OTUD7A: variants seen among roughly 807,000 people sequenced by gnomAD.
The protein encoded by OTUD7A is OTU deubiquitinase 7A, also known as OTU domain-containing protein 7A.
Under a neutral mutation model 65.7 loss-of-function variants are expected in OTUD7A, and 12 were observed. That is an observed-to-expected ratio of 0.18 (90% confidence interval 0.12 to 0.30). The LOEUF is 0.30. Ranked by LOEUF, OTUD7A falls within the 10% of genes least tolerant of loss-of-function variation. OTUD7A has a pLI of 1.00. For synonymous variants in OTUD7A, 641 were observed against 586.3 expected, an observed-to-expected ratio of 1.09 and a Z score of -1.35; for missense variants, 1,148 against 1,304.8, an observed-to-expected ratio of 0.88 and a Z score of 1.85.
At chr15:31,649,853 T>C (rs1400416777) in intron 3 of OTUD7A, 1 of 365,628 alleles carries the variant, frequency 2.7e-6, no homozygotes, top group Admixed American at 2.6e-5. Context: ...GAGACCACAG[T>C]TGGAAGTGCC....
At chr15:31,622,095 A>C (rs1890805584) in intron 3 of OTUD7A, among the ~76,000 whole-genome samples, 2 of 151,790 alleles carry the variant, frequency 1.3e-5, no homozygotes, top group Admixed American at 6.6e-5. Flanking sequence ...ATTGGCCCCC[A>C]CTCTCTTCTG....
intron 8 of OTUD7A, among the ~76,000 whole-genome samples, chr15:31,522,134 A>T (rs567943004): frequency 1.3e-5 from 2 of 152,270 alleles, no homozygotes; most frequent in South Asian, 4.1e-4. Flanking sequence ...TGATGGTTAG[A>T]TAGCTGGTTA....
chr15:31,719,997 T>C (rs1893690415), intron 1 of OTUD7A, among the ~76,000 whole-genome samples: 2 of 152,252 alleles, frequency 1.3e-5, no homozygotes. Context: ...GACACATATA[T>C]ACTATATTTT....
At chr15:31,832,174 C>T (rs900625033) in intron 1 of OTUD7A, among the ~76,000 whole-genome samples, 2 of 152,176 alleles carry the variant, frequency 1.3e-5, no homozygotes, top group African/African-American at 4.8e-5. Flanking sequence ...CAAGCTTGAC[C>T]CAGAGGTATC....
At chr15:31,756,557 C>T (rs1894817306) in intron 1 of OTUD7A, among the ~76,000 whole-genome samples, 1 of 151,264 alleles carries the variant, frequency 6.6e-6, no homozygotes, top group Non-Finnish European at 1.5e-5. Context: ...GTGACAGAGA[C>T]AGGGCTGCCC....
At chr15:31,642,162 C>A (rs1891536204) in intron 3 of OTUD7A, among the ~76,000 whole-genome samples, 2 of 152,164 alleles carry the variant, frequency 1.3e-5, no homozygotes, top group African/African-American at 4.8e-5. Context: ...TCTGCATTTA[C>A]TGAGATGATT....
intron 1 of OTUD7A, among the ~76,000 whole-genome samples, chr15:31,777,210 C>T (rs1392164650): frequency 6.6e-6 from 1 of 152,132 alleles, no homozygotes; most frequent in Non-Finnish European, 1.5e-5. Flanking sequence ...ACATGACAGC[C>T]TTTTGGCAAG....
intron 8 of OTUD7A, among the ~76,000 whole-genome samples, chr15:31,510,023 C>T (rs1318114713): frequency 1.4e-5 from 2 of 146,714 alleles, no homozygotes; most frequent in South Asian, 2.1e-4. Context: ...GGTCTTGCGG[C>T]GCAGGCTGGG....
In OTUD7A at chr15:31,731,725, TA is replaced by T. The variant is rs1453299291; in HGVS notation, c.-99-74649del. On this transcript the variant is annotated intron_variant, in intron 1 of 12. Transcript: ENST00000307050. Reference sequence around the variant, plus strand: ...TCTGGGCAATAATGATGTCTCAATGTAGGTTCATCAGTTGTAACAACTGGAC... The same window carrying T: ...TCTGGGCAATAATGATGTCTCAATGTGGTTCATCAGTTGTAACAACTGGAC... Among the ~76,000 whole-genome samples the T allele has an allele frequency of 2.0e-5, 3 of 152,164 alleles. No individual in the cohort carries two copies. The East Asian group carries it at 5.8e-4, about 29-fold the overall frequency.
intron 1 of OTUD7A, among the ~76,000 whole-genome samples, chr15:31,663,887 T>G (rs1475924614): frequency 2.0e-5 from 3 of 152,088 alleles, no homozygotes; most frequent in African/African-American, 7.2e-5. Flanking sequence ...TGCGTCCTCA[T>G]AGCTTAGCTC....
At chr15:31,796,142 C>CGTGTGTGCGTGTGT (rs1555418460) in intron 1 of OTUD7A, among the ~76,000 whole-genome samples, 1 of 148,020 alleles carries the variant, frequency 6.8e-6, no homozygotes, top group African/African-American at 2.5e-5. Context: ...GTAAGGGGTG[C>CGTGTGTGCGTGTGT]GTGTGTGTGT....
At chr15:31,725,812 T>A (rs1403102709) in intron 1 of OTUD7A, among the ~76,000 whole-genome samples, 1 of 152,192 alleles carries the variant, frequency 6.6e-6, no homozygotes, top group Admixed American at 6.5e-5. Flanking sequence ...GACCTCCTGA[T>A]GGCAGCGCTC....
intron 10 of OTUD7A, among the ~76,000 whole-genome samples, chr15:31,501,226 G>GCTC (rs991187959): frequency 6.6e-6 from 1 of 152,236 alleles, no homozygotes; most frequent in African/African-American, 2.4e-5. Context: ...GTCTGTGGCT[G>GCTC]CTCCTCTCTC....
chr15:31,622,599 T>C (rs1890825739), intron 3 of OTUD7A, among the ~76,000 whole-genome samples: 1 of 152,230 alleles, frequency 6.6e-6, no homozygotes, highest in Non-Finnish European at 1.5e-5. Context: ...TCTCATGCCA[T>C]GGTTTTCAGC....
At chr15:31,570,832 A>C (rs528753777) in intron 3 of OTUD7A, among the ~76,000 whole-genome samples, 1 of 152,184 alleles carries the variant, frequency 6.6e-6, no homozygotes, top group East Asian at 1.9e-4. Flanking sequence ...ACTTCGCAGC[A>C]CTAGGCACAG....
chr15:31,604,100 AC>A (rs1436639689), intron 3 of OTUD7A, among the ~76,000 whole-genome samples: 1 of 152,238 alleles, frequency 6.6e-6, no homozygotes, highest in Non-Finnish European at 1.5e-5. Context: ...CTGGGTATAT[AC>A]CCAAAGGATT....
intron 1 of OTUD7A, among the ~76,000 whole-genome samples, chr15:31,674,929 T>A (rs1892563329): frequency 6.6e-6 from 1 of 152,194 alleles, no homozygotes; most frequent in South Asian, 2.1e-4. Context: ...CATGGAACAC[T>A]TGCACCAGCC....
chr15:31,613,009 A>G (rs1890477290), intron 3 of OTUD7A, among the ~76,000 whole-genome samples: 1 of 152,190 alleles, frequency 6.6e-6, no homozygotes. Context: ...CAGCCAACTG[A>G]TCTTTGACAA....
intron 1 of OTUD7A, among the ~76,000 whole-genome samples, chr15:31,770,851 C>A (rs1895215685): frequency 6.6e-6 from 1 of 152,122 alleles, no homozygotes; most frequent in Admixed American, 6.5e-5. Flanking sequence ...ACAAAATCTA[C>A]CATCTATTCA....
Sources: allele counts gnomAD v4.1 joint callset (sites outside exome capture counted in the v4.1 genomes callset), GRCh38; gene constraint gnomAD v4.1.1; transcripts MANE v1.5; gene names NCBI Gene and HGNC (gene_info 2026-07-23, HGNC 2026-07-21).